MACROD2: variants seen among roughly 807,000 people sequenced by gnomAD.
The protein encoded by MACROD2 is mono-ADP ribosylhydrolase 2.
Under a neutral mutation model 70.4 loss-of-function variants are expected in MACROD2, and 36 were observed. That is an observed-to-expected ratio of 0.51 (90% CI 0.39 to 0.68). The LOEUF (loss-of-function observed/expected upper bound fraction) is 0.68. Ranked by LOEUF, MACROD2 falls within the 30% of genes least tolerant of loss-of-function variation. The pLI is 0.00. For missense variants in MACROD2, 496 were observed against 538.4 expected (o/e 0.92, Z 0.78); for synonymous variants, 172 against 178.8 (o/e 0.96, Z 0.30).
intron 4 of MACROD2, among the ~76,000 whole-genome samples, chr20:14,618,168 G>A (rs1983589654): frequency 6.6e-6 from 1 of 151,886 alleles, no homozygotes; most frequent in Non-Finnish European, 1.5e-5. Flanking sequence ...GCACTTAGAA[G>A]GCCCTATTTG....
intron 5 of MACROD2, among the ~76,000 whole-genome samples, chr20:15,017,547 G>A (rs144510327): frequency 4.1e-4 from 62 of 152,292 alleles, no homozygotes; most frequent in African/African-American, 1.1e-3. Flanking sequence ...TCCACTAGGC[G>A]GTACCCCAGT....
chr20:14,095,452 T>C lies in MACROD2; in HGVS notation c.271+9724T>C, dbSNP rs75361337. 7.7e-3 allele frequency among the ~76,000 whole-genome samples: 1,176 copies of C among 152,288 alleles called. 17 individuals carry two copies. The highest frequency in any genetic ancestry group is 0.026 in the African/African-American group (1,085 of 41,552). Reference sequence around the variant, plus strand: ...GAGAGCTAAATGTGCTAAATTGTTATGATAACCTAAGAGGCATATTTAACA... The same window carrying C: ...GAGAGCTAAATGTGCTAAATTGTTACGATAACCTAAGAGGCATATTTAACA... On this transcript the variant is annotated intron_variant, in intron 3 of 17. Coordinates refer to ENST00000684519, the MANE Select transcript of MACROD2 (RefSeq NM_001351661.2).
At chr20:15,610,991 CTTTTTT>C (rs34495725) in intron 8 of MACROD2, among the ~76,000 whole-genome samples, 735 of 60,104 alleles carry the variant, frequency 0.012, 12 homozygotes, top group African/African-American at 0.045. Flanking sequence ...AGCCAAAAAT[CTTTTTT>C]TTTTTTTTTT....
chr20:15,479,113 A>C (rs1272791810), intron 7 of MACROD2, among the ~76,000 whole-genome samples: 3 of 152,208 alleles, frequency 2.0e-5, no homozygotes, highest in Non-Finnish European at 4.4e-5. Context: ...ATTAATGCTC[A>C]CAAATCCTTC....
chr20:14,274,118 A>C (rs2082226559), intron 3 of MACROD2, among the ~76,000 whole-genome samples: 1 of 152,348 alleles, frequency 6.6e-6, no homozygotes, highest in Non-Finnish European at 1.5e-5. Context: ...CAATAGAAGA[A>C]GAGGGAATCC....
intron 5 of MACROD2, among the ~76,000 whole-genome samples, chr20:15,114,806 G>A (rs1000977154): frequency 1.3e-5 from 2 of 151,828 alleles, no homozygotes; most frequent in African/African-American, 4.8e-5. Context: ...TTCTTGTTCT[G>A]TGGATTCTGT....
intron 8 of MACROD2, among the ~76,000 whole-genome samples, chr20:15,550,344 T>TAAATATTTAAAATAAGAAATATTTAAA (rs1294406506): frequency 1.5e-5 from 2 of 137,256 alleles, no homozygotes; most frequent in African/African-American, 5.8e-5. Flanking sequence ...GAAATATTTA[T>TAAATATTTAAAATAAGAAATATTTAAA]TATTCAGATA....
intron 6 of MACROD2, among the ~76,000 whole-genome samples, chr20:15,386,876 A>G (rs887895296): frequency 6.6e-6 from 1 of 152,208 alleles, no homozygotes; most frequent in African/African-American, 2.4e-5. Flanking sequence ...CTGTTCTTTT[A>G]AAGTTCCTGT....
chr20:14,680,331 A>G (rs1340268622), intron 4 of MACROD2, among the ~76,000 whole-genome samples: 3 of 152,190 alleles, frequency 2.0e-5, no homozygotes, highest in Admixed American at 6.5e-5. Context: ...CTGTATGTCT[A>G]TAGAATTTGG....
intron 8 of MACROD2, among the ~76,000 whole-genome samples, chr20:15,630,057 G>A (rs929030329): frequency 3.3e-5 from 5 of 152,082 alleles, no homozygotes; most frequent in Admixed American, 6.6e-5. Flanking sequence ...ACTTGGCACC[G>A]TGTCCAGCCC....
intron 8 of MACROD2, among the ~76,000 whole-genome samples, chr20:15,822,901 T>G (rs2147105042): frequency 6.6e-6 from 1 of 152,278 alleles, no homozygotes; most frequent in African/African-American, 2.4e-5. Context: ...TATACTAATT[T>G]CCCTGTGTTC....
Position 14,326,221 on chromosome 20 carries a change from AG to A in MACROD2, c.272-167257del. The A allele has an allele frequency of 6.2e-7, 1 of 1,613,948 alleles. No individual in the cohort carries two copies. The stretch of plus-strand genomic sequence containing the variant: ...TCTCAAAGCAGTCATAGGTAGAGCA[AG>A]TTTCCAAGAGATATGAATGGTATCA... On this transcript the variant is annotated intron_variant, in intron 3 of 17. Transcript: ENST00000684519. This position sits in a 1 kb window ranked among gnomAD's most constrained non-coding sequence, Gnocchi z 5.5.
At chr20:15,594,288 G>A (rs1168989490) in intron 8 of MACROD2, among the ~76,000 whole-genome samples, 3 of 150,966 alleles carry the variant, frequency 2.0e-5, no homozygotes, top group Admixed American at 1.3e-4. Context: ...GCCTATTTGT[G>A]TTGCTGGATG....
chr20:14,929,904 G>T, intron 5 of MACROD2, among the ~76,000 whole-genome samples: 1 of 152,122 alleles, frequency 6.6e-6, no homozygotes, highest in Non-Finnish European at 1.5e-5. Flanking sequence ...TCTCACGCCT[G>T]TAATCCCAGC....
chr20:15,042,346 A>G (rs914709861), intron 5 of MACROD2, among the ~76,000 whole-genome samples: 16 of 152,190 alleles, frequency 1.1e-4, no homozygotes, highest in African/African-American at 3.4e-4. Context: ...TGTGTGGAAG[A>G]AACAGTAATA....
At chr20:14,346,093 C>CAAAAAAAAAAAA (rs71190130) in intron 3 of MACROD2, among the ~76,000 whole-genome samples, 1 of 41,150 alleles carries the variant, frequency 2.4e-5, no homozygotes, top group Non-Finnish European at 3.9e-5. Context: ...GATTCTGCCT[C>CAAAAAAAAAAAA]AAAAAAAAAA....
intron 5 of MACROD2, among the ~76,000 whole-genome samples, chr20:15,069,110 G>T (rs371971739): frequency 6.6e-6 from 1 of 152,152 alleles, no homozygotes; most frequent in African/African-American, 2.4e-5. Context: ...GGGCTTGGCT[G>T]CATTGCATCC....
At chr20:14,583,785 A>G (rs934506938) in intron 4 of MACROD2, among the ~76,000 whole-genome samples, 3 of 152,216 alleles carry the variant, frequency 2.0e-5, no homozygotes, top group African/African-American at 7.2e-5. Context: ...GAGATAGACA[A>G]ATATAAATAG....
chr20:15,449,660 A>C (rs1335922091), intron 7 of MACROD2, among the ~76,000 whole-genome samples: 2 of 152,148 alleles, frequency 1.3e-5, no homozygotes, highest in South Asian at 2.1e-4. Flanking sequence ...ATTTTTAAAA[A>C]TTAACCCAGG....
Sources: allele counts gnomAD v4.1 joint callset (sites outside exome capture counted in the v4.1 genomes callset), GRCh38; gene constraint gnomAD v4.1.1; non-coding constraint Gnocchi (gnomAD v3.1); transcripts MANE v1.5; gene names NCBI Gene and HGNC (gene_info 2026-07-23, HGNC 2026-07-21).